Variants in FILIP1 observed in about 807,000 individuals in gnomAD.
The protein encoded by FILIP1 is filamin-A-interacting protein 1.
Under a neutral mutation model 102.1 loss-of-function variants are expected in FILIP1, and 61 were observed. The observed-to-expected ratio is 0.60, with a 90% CI of 0.49 to 0.74. The LOEUF (loss-of-function observed/expected upper bound fraction) is 0.74. FILIP1 is among the 30% of genes least tolerant of loss of function. The pLI is 0.00. For missense variants in FILIP1, 1,314 were observed against 1,441.2 expected (o/e 0.91, Z 1.43); for synonymous variants, 491 against 526.9 (o/e 0.93, Z 0.93).
chr6:75,488,706 G>A (rs949874913), intron 1 of FILIP1, among the ~76,000 whole-genome samples: 1 of 152,086 alleles, frequency 6.6e-6, no homozygotes, highest in Non-Finnish European at 1.5e-5. Flanking sequence ...AAAATTGACA[G>A]ATTTAAACCA....
intron 3 of FILIP1, among the ~76,000 whole-genome samples, chr6:75,360,141 G>A (rs1775128592): frequency 6.6e-6 from 1 of 152,192 alleles, no homozygotes; most frequent in African/African-American, 2.4e-5. Context: ...CCAGAACCCT[G>A]CTATGGCTGA....
chr6:75,329,507 T>C (rs931788763), intron 4 of FILIP1, among the ~76,000 whole-genome samples: 1 of 152,182 alleles, frequency 6.6e-6, no homozygotes, highest in Admixed American at 6.5e-5. Context: ...CTCAGAACAC[T>C]ATTTTTGCTT....
At chr6:75,466,641 G>A (rs1256251321) in intron 1 of FILIP1, among the ~76,000 whole-genome samples, 1 of 152,086 alleles carries the variant, frequency 6.6e-6, no homozygotes, top group Non-Finnish European at 1.5e-5. Context: ...AATCTACAAA[G>A]GTAAAACTAT....
Position 75,296,389 on chromosome 6 carries a change from GA to G in FILIP1, c.3494-440del. ...TGTGTGTGTGTGTGTGTGTGGATTAGAGTTTAATAAGGAGATATTATTTCTA... is the reference window on the plus strand; with the variant it reads ...TGTGTGTGTGTGTGTGTGTGGATTAGGTTTAATAAGGAGATATTATTTCTA... On this transcript the variant is annotated intron_variant, in intron 6 of 6. Transcript: ENST00000393004. The G allele has an allele frequency of 2.0e-5, 3 of 148,632 alleles. No homozygotes were observed. The East Asian group carries it at 5.9e-4, about 29-fold the overall frequency. The allele number at this position is 148,632 out of a possible 1,614,324, so 9.2% of individuals were successfully genotyped here. A position where few individuals can be genotyped will look rare whatever the true frequency, so the allele number is the denominator to read the frequency against.
intron 2 of FILIP1, among the ~76,000 whole-genome samples, chr6:75,373,174 G>A (rs1483678005): frequency 6.6e-6 from 1 of 152,192 alleles, no homozygotes; most frequent in Non-Finnish European, 1.5e-5. Flanking sequence ...AGTATAACAA[G>A]TCAGTTACAA....
At chr6:75,439,443 T>C (rs949739105) in intron 1 of FILIP1, among the ~76,000 whole-genome samples, 1 of 152,124 alleles carries the variant, frequency 6.6e-6, no homozygotes, top group African/African-American at 2.4e-5. Context: ...CTTTGTCCCT[T>C]TGAGAATAGA....
At chr6:75,447,129 A>G (rs1778465642) in intron 1 of FILIP1, among the ~76,000 whole-genome samples, 1 of 152,198 alleles carries the variant, frequency 6.6e-6, no homozygotes, top group South Asian at 2.1e-4. Context: ...GAACAACTCT[A>G]CAAACTTCTG....
intron 1 of FILIP1, among the ~76,000 whole-genome samples, chr6:75,466,938 AG>A (rs1190113958): frequency 6.6e-6 from 1 of 152,190 alleles, no homozygotes; most frequent in East Asian, 1.9e-4. Flanking sequence ...GGCTTTCCCT[AG>A]GATATCCAAG....
intron 2 of FILIP1, among the ~76,000 whole-genome samples, chr6:75,363,209 G>T (rs55922858): frequency 9.2e-5 from 14 of 152,124 alleles, no homozygotes; most frequent in Non-Finnish European, 1.6e-4. Context: ...GTGGGGGAGG[G>T]AGGCAAGCAG....
intron 2 of FILIP1, among the ~76,000 whole-genome samples, chr6:75,400,511 G>T (rs930118206): frequency 2.0e-5 from 3 of 152,108 alleles, no homozygotes; most frequent in African/African-American, 7.2e-5. Context: ...TAGAATGGAG[G>T]GAGGAAAGAA....
intron 2 of FILIP1, among the ~76,000 whole-genome samples, chr6:75,381,075 T>C (rs1775892766): frequency 6.6e-6 from 1 of 152,320 alleles, no homozygotes; most frequent in South Asian, 2.1e-4. Flanking sequence ...TTATATTCTG[T>C]GATCCTTTTG....
chr6:75,405,448 G>T (rs73459776), intron 2 of FILIP1, among the ~76,000 whole-genome samples: 1,886 of 150,240 alleles, frequency 0.013, 44 homozygotes, highest in African/African-American at 0.043. Flanking sequence ...TACCAAAAAA[G>T]AAAAAAGAAA....
At chr6:75,315,233 A>G in intron 4 of FILIP1, 31 bp from the exon 5 acceptor site, 1 of 1,382,338 alleles carries the variant, frequency 7.2e-7, no homozygotes. Flanking sequence ...ATATGTTAAA[A>G]GAGTAATCAG....
At chr6:75,443,970 A>T (rs539668802) in intron 1 of FILIP1, among the ~76,000 whole-genome samples, 10 of 152,340 alleles carry the variant, frequency 6.6e-5, no homozygotes, top group African/African-American at 2.4e-4. Context: ...CTTTGTAGAG[A>T]CAAAATGAAG....
At chr6:75,388,979 C>A (rs1776192527) in intron 2 of FILIP1, among the ~76,000 whole-genome samples, 1 of 152,120 alleles carries the variant, frequency 6.6e-6, no homozygotes, top group African/African-American at 2.4e-5. Flanking sequence ...CCAGCTTTTG[C>A]CCATTCAGTA....
intron 1 of FILIP1, chr6:75,473,849 G>A (rs1004025247): frequency 1.3e-5 from 2 of 152,100 alleles, no homozygotes; most frequent in Admixed American, 6.6e-5. Flanking sequence ...GATGAGCCTC[G>A]CCCTGGGAAA....
chr6:75,452,322 T>C (rs925986132), intron 1 of FILIP1, among the ~76,000 whole-genome samples: 3 of 151,766 alleles, frequency 2.0e-5, no homozygotes, highest in Admixed American at 6.6e-5. Context: ...TGTGTTCTCA[T>C]TGTTTAATTC....
intron 4 of FILIP1, among the ~76,000 whole-genome samples, chr6:75,349,648 A>G (rs1774719188): frequency 6.6e-6 from 1 of 151,858 alleles, no homozygotes; most frequent in South Asian, 2.1e-4. Flanking sequence ...GGACACGAGG[A>G]CTCCCACTTG....
chr6:75,465,449 T>C (rs1264685251), intron 1 of FILIP1: 8 of 925,762 alleles, frequency 8.6e-6, no homozygotes, highest in Non-Finnish European at 1.3e-5. Flanking sequence ...CCCATATCAA[T>C]GCTAGCAAAA....
Sources: gnomAD v4.1 joint callset for allele counts (sites outside exome capture counted in the v4.1 genomes callset) on GRCh38, gnomAD v4.1.1 for gene constraint, MANE v1.5 for transcripts, NCBI Gene and HGNC (gene_info 2026-07-23, HGNC 2026-07-21) for gene names.